The following OR2L13 variants were observed in gnomAD, a reference collection of about 807,000 sequenced individuals.
OR2L13 encodes olfactory receptor 2L13.
In OR2L13, 14 loss-of-function variants were observed where a neutral mutation model predicts 15.3. The ratio of observed to expected loss-of-function variants is 0.91; its 90% CI spans 0.60 to 1.43. The LOEUF (loss-of-function observed/expected upper bound fraction) is 1.43. Ranked by LOEUF, OR2L13 falls within the 40% of genes most tolerant of loss-of-function variation. The pLI is 0.00. For synonymous variants in OR2L13, 152 were observed against 142.9 expected (o/e 1.06, Z -0.45); for missense variants, 367 against 387.9 (o/e 0.95, Z 0.45).
the OR2L13 span, among the ~76,000 whole-genome samples, chr1:247,989,793 G>A: frequency 1.4e-4 from 21 of 152,188 alleles, no homozygotes; most frequent in Non-Finnish European, 2.5e-4. Context: ...TGTCATCTGA[G>A]ATTGCATGGA....
the OR2L13 span, among the ~76,000 whole-genome samples, chr1:247,996,616 A>G: frequency 1.3e-5 from 2 of 152,202 alleles, no homozygotes; most frequent in African/African-American, 4.8e-5. Flanking sequence ...GCTGACTTAT[A>G]TCCCCCATAT....
chr1:248,076,947 T>C, the OR2L13 span, among the ~76,000 whole-genome samples: 3 of 152,354 alleles, frequency 2.0e-5, no homozygotes, highest in East Asian at 5.8e-4. Flanking sequence ...GCTTTCAATT[T>C]TGCCCATTCA....
chr1:248,064,790 CTGTATAGGCAA>C, the OR2L13 span, among the ~76,000 whole-genome samples: 4 of 152,136 alleles, frequency 2.6e-5, no homozygotes, highest in African/African-American at 9.7e-5. Context: ...ACTGACATTC[CTGTATAGGCAA>C]TGGTAATCCT....
At chr1:248,056,502 G>A in the OR2L13 span, among the ~76,000 whole-genome samples, 3,032 of 152,072 alleles carry the variant, frequency 0.02, 38 homozygotes, top group Middle Eastern at 0.071. Flanking sequence ...TGCAATAAAT[G>A]TCCCTCTTAA....
chr1:248,000,248 G>A, the OR2L13 span, among the ~76,000 whole-genome samples: 6 of 151,886 alleles, frequency 4.0e-5, no homozygotes, highest in Non-Finnish European at 2.9e-5. Flanking sequence ...GCTGAGGAAA[G>A]TATAGGGAGG....
At chr1:248,036,714 A>C in the OR2L13 span, among the ~76,000 whole-genome samples, 3 of 152,158 alleles carry the variant, frequency 2.0e-5, no homozygotes, top group African/African-American at 7.2e-5. Flanking sequence ...GGAGAAGAAT[A>C]CTCGAACCAC....
the OR2L13 span, among the ~76,000 whole-genome samples, chr1:248,076,631 G>T: frequency 2.0e-5 from 3 of 152,158 alleles, no homozygotes; most frequent in Non-Finnish European, 4.4e-5. Flanking sequence ...GTTCACTCAT[G>T]ATTTGGCTCT....
chr1:248,009,247 T>C, the OR2L13 span, among the ~76,000 whole-genome samples: 1 of 152,006 alleles, frequency 6.6e-6, no homozygotes, highest in South Asian at 2.1e-4. Flanking sequence ...AGCTGGTTTT[T>C]TGAAAAGGTT....
At chr1:248,080,045 G>T in the OR2L13 span, among the ~76,000 whole-genome samples, 1 of 152,134 alleles carries the variant, frequency 6.6e-6, no homozygotes, top group Non-Finnish European at 1.5e-5. Flanking sequence ...TTAGAATAAT[G>T]ATTTCCTTTG....
At chr1:248,068,101 T>C in the OR2L13 span, among the ~76,000 whole-genome samples, 4 of 152,190 alleles carry the variant, frequency 2.6e-5, no homozygotes, top group Non-Finnish European at 5.9e-5. Context: ...CAGTAACCTC[T>C]GAAGACTTAA....
At chr1:247,943,220 A>G in the OR2L13 span, among the ~76,000 whole-genome samples, 3 of 152,182 alleles carry the variant, frequency 2.0e-5, no homozygotes, top group Non-Finnish European at 4.4e-5. Flanking sequence ...TGGGAGCTAA[A>G]CATTGGGTAC....
At chr1:247,973,723 A>G in the OR2L13 span, among the ~76,000 whole-genome samples, 1 of 152,220 alleles carries the variant, frequency 6.6e-6, no homozygotes, top group East Asian at 1.9e-4. Context: ...CAAAACCACA[A>G]TAAGATATCT....
chr1:248,024,352 A>G, the OR2L13 span: 8 of 152,350 alleles, frequency 5.3e-5, no homozygotes, highest in East Asian at 1.3e-3. Context: ...ATGATAGAGT[A>G]AAATGACTGT....
chr1:248,097,624 G>A (rs1177607789), intron 1 of OR2L13, among the ~76,000 whole-genome samples: 1 of 152,134 alleles, frequency 6.6e-6, no homozygotes, highest in Non-Finnish European at 1.5e-5. Flanking sequence ...CTGAGCTATA[G>A]TCTATGCAAC....
the OR2L13 span, chr1:247,965,602 AC>A: frequency 2.1e-5 from 33 of 1,572,486 alleles, no homozygotes; most frequent in African/African-American, 3.8e-4. Flanking sequence ...GTACATCTCC[AC>A]CACAGTGCCC....
chr1:248,063,274 T>C, the OR2L13 span: 1 of 152,262 alleles, frequency 6.6e-6, no homozygotes, highest in Non-Finnish European at 1.5e-5. Flanking sequence ...CAGTGATTTG[T>C]ACAAATACAT....
chr1:248,072,416 A>G, the OR2L13 span, among the ~76,000 whole-genome samples: 9,201 of 152,092 alleles, frequency 0.06, 925 homozygotes, highest in African/African-American at 0.21. Context: ...GGGAAAACCC[A>G]TAGCCATATG....
the OR2L13 span, among the ~76,000 whole-genome samples, chr1:247,962,316 A>G: frequency 6.6e-6 from 1 of 152,190 alleles, no homozygotes; most frequent in African/African-American, 2.4e-5. Context: ...TCAGATGCTA[A>G]CTACTGATTC....
exon 3 of OR2L13, chr1:248,100,347 CT>C (rs773873576): frequency 7.5e-7 from 1 of 1,339,434 alleles, no homozygotes; most frequent in South Asian, 1.3e-5. Context: ...TGTATTTCCT[CT>C]TTCCAAGTTG....
Sources: allele counts gnomAD v4.1 joint callset (sites outside exome capture counted in the v4.1 genomes callset), GRCh38; gene constraint gnomAD v4.1.1; transcripts MANE v1.5; gene names NCBI Gene and HGNC (gene_info 2026-07-23, HGNC 2026-07-21).